Variants in EIF5A observed in about 807,000 individuals in gnomAD.
EIF5A encodes the protein eukaryotic translation initiation factor 5A-1.
A neutral mutation model predicts 16.6 loss-of-function variants in EIF5A; 1 was observed. That is an observed-to-expected ratio of 0.06 (90% CI 0.02 to 0.28). EIF5A has a LOEUF of 0.28. Ranked by LOEUF, EIF5A falls within the 10% of genes least tolerant of loss-of-function variation. The probability of loss-of-function intolerance (pLI) is 1.00; values close to 1 mark genes in which losing one functional copy is unlikely to be tolerated. For missense variants in EIF5A, 29 were observed against 196.1 expected (o/e 0.15, Z 5.09); for synonymous variants, 80 against 73.6 (o/e 1.09, Z -0.44).
chr17:7,308,452 C>T (rs1407154992), intron 1 of EIF5A: 11 of 1,336,560 alleles, frequency 8.2e-6, no homozygotes, highest in African/African-American at 1.5e-5. Context: ...GAGTGGAAGC[C>T]GGAGGCTCGG....
intron 2 of EIF5A, 123 bp from the exon 3 acceptor site, chr17:7,310,895 A>G (rs1473893842): frequency 2.1e-6 from 3 of 1,441,778 alleles, no homozygotes; most frequent in East Asian, 2.5e-5. Context: ...TTCAATTCCA[A>G]CACTCCAGTC....
intron 1 of EIF5A, chr17:7,308,499 G>A (rs749807340): frequency 7.4e-7 from 1 of 1,351,206 alleles, no homozygotes; most frequent in African/African-American, 1.5e-5. Context: ...GCAGGCATAT[G>A]TTAGCGCTTC....
At chr17:7,309,534 T>C (rs1463375693) in intron 1 of EIF5A, 81 bp from the exon 2 acceptor site, 10 of 1,562,312 alleles carry the variant, frequency 6.4e-6, no homozygotes, top group African/African-American at 1.4e-5. Flanking sequence ...GTTGGGAAAA[T>C]GTTTCTGGAG....
rs922753551 is a variant in EIF5A, at chr17:7,307,649, A to G, written c.-125A>G. On this transcript the variant is annotated 5_prime_UTR_variant, in exon 1 of 6. Coordinates refer to ENST00000336458, the MANE Select transcript of EIF5A (RefSeq NM_001970.5). ...CTGCGTACTAAGACCCGTGTGCAGCAGCGGCGGCGGCGGTAGAGGCGGCGG... is the reference window on the plus strand; with the variant it reads ...CTGCGTACTAAGACCCGTGTGCAGCGGCGGCGGCGGCGGTAGAGGCGGCGG... 6 of 1,050,612 alleles carry G rather than the reference A, an allele frequency of 5.7e-6. No individual in the cohort carries two copies. Among genetic ancestry groups the G allele is most frequent in the Non-Finnish European group, 6.9e-6 (6 of 872,970 alleles). The allele number at this position is 1,050,612 out of a possible 1,614,324, so 65.1% of individuals were successfully genotyped here.
At position 7,307,674 on chromosome 17, in the gene EIF5A, G is replaced by C; in HGVS notation, c.-100G>C. 9.5e-7 allele frequency: 1 copy of C among 1,053,366 alleles called. No homozygotes were observed. The highest frequency in any genetic ancestry group is 1.1e-6 in the Non-Finnish European group (1 of 874,316). 65.3% of individuals were successfully genotyped at this position (1,053,366 alleles called of 1,614,324 possible). ...AGCGGCGGCGGCGGTAGAGGCGGCG[G>C]CGGCGGCGGCAGCGGGCTCGGAGGC... On this transcript the variant is annotated 5_prime_UTR_variant, in exon 1 of 6. Transcript: ENST00000336458.
At chr17:7,310,918 A>T (rs1362189081) in intron 2 of EIF5A, 100 bp from the exon 3 acceptor site, 1 of 1,475,936 alleles carries the variant, frequency 6.8e-7, no homozygotes, top group Non-Finnish European at 9.0e-7. Context: ...TGCCCCAACA[A>T]TGTAATTCTG....
At chr17:7,310,243 T>G (rs2072777698) in intron 2 of EIF5A, 3 of 1,289,764 alleles carry the variant, frequency 2.3e-6, no homozygotes, top group East Asian at 5.5e-5. Flanking sequence ...TCAGGTCACC[T>G]TGCTGCTTCG....
At chr17:7,309,335 C>T (rs1235101660) in intron 1 of EIF5A, among the ~76,000 whole-genome samples, 2 of 152,186 alleles carry the variant, frequency 1.3e-5, no homozygotes, top group Non-Finnish European at 2.9e-5. Flanking sequence ...TTTCTCATCT[C>T]TGAGATTTGA....
At chr17:7,310,466 TAATC>T in intron 2 of EIF5A, 1 of 1,174,366 alleles carries the variant, frequency 8.5e-7, no homozygotes, top group Non-Finnish European at 1.1e-6. Context: ...TGTTTTTCCT[TAATC>T]AGTTTTTCCA....
chr17:7,307,396 G>A (rs981956678), upstream of EIF5A: 4 of 1,166,656 alleles, frequency 3.4e-6, no homozygotes, highest in Admixed American at 4.7e-5. Flanking sequence ...AGGTTGAAGA[G>A]ATTAAAAAAC....
At chr17:7,310,950 C>T in intron 2 of EIF5A, 68 bp from the exon 3 acceptor site, 1 of 1,533,930 alleles carries the variant, frequency 6.5e-7, no homozygotes, top group Non-Finnish European at 8.8e-7. Context: ...CAGGCAAGGT[C>T]AATTTGAGCC....
At chr17:7,310,958 G>T in intron 2 of EIF5A, 60 bp from the exon 3 acceptor site, 2 of 1,551,770 alleles carry the variant, frequency 1.3e-6, no homozygotes, top group Non-Finnish European at 1.7e-6. Flanking sequence ...GTCAATTTGA[G>T]CCTTTATTTC....
chr17:7,310,544 T>C, intron 2 of EIF5A: 1 of 1,098,350 alleles, frequency 9.1e-7, no homozygotes, highest in African/African-American at 1.7e-5. Flanking sequence ...TGTGCTCTTC[T>C]GGCTTCCTTA....
rs761306644 is a variant in EIF5A, at chr17:7,311,095, C to T, written c.243C>T (p.Val81=). 3 of 1,613,740 alleles carry T rather than the reference C, an allele frequency of 1.9e-6. No individual in the cohort carries two copies. In the South Asian group the frequency reaches 3.3e-5, roughly 18 times the overall value. The change falls in exon 3 of 6, where the codon GTC becomes GTT. Residue 81 remains valine (V), a synonymous_variant. Coordinates refer to ENST00000336458, the MANE Select transcript of EIF5A (RefSeq NM_001970.5). The part of the protein sequence containing the change: ...DICPSTHNMD[V]PNIKRNDFQL... ...GCCCGTCAACTCATAATATGGATGT[C>T]CCCAACATCAAAAGGAATGACTTCC...
At position 7,307,666 on chromosome 17, in the gene EIF5A, AGGC is replaced by A. The variant is rs375376801; in HGVS notation, c.-92_-90del. On this transcript the variant is annotated 5_prime_UTR_variant, in exon 1 of 6. Transcript: ENST00000336458. ...TGTGCAGCAGCGGCGGCGGCGGTAG[AGGC>A]GGCGGCGGCGGCGGCAGCGGGCTCG... 7.6e-4 allele frequency: 801 copies of A among 1,048,582 alleles called. No homozygotes were observed. In the East Asian group the frequency reaches 0.017, roughly 22 times the overall value. The allele number at this position is 1,048,582 out of a possible 1,614,324, so 65.0% of individuals were successfully genotyped here.
intron 1 of EIF5A, 37 bp from the exon 2 acceptor site, chr17:7,309,578 C>T (rs2072752987): frequency 6.2e-7 from 1 of 1,612,630 alleles, no homozygotes; most frequent in Non-Finnish European, 8.5e-7. Context: ...CTGTTGACCT[C>T]CATGCTTATT....
chr17:7,310,550 C>G, intron 2 of EIF5A: 1 of 1,089,550 alleles, frequency 9.2e-7, no homozygotes, highest in Non-Finnish European at 1.1e-6. Context: ...CTTCTGGCTT[C>G]CTTATTTTCT....
At chr17:7,308,432 A>C in intron 1 of EIF5A, 1 of 1,318,960 alleles carries the variant, frequency 7.6e-7, no homozygotes, top group Non-Finnish European at 9.9e-7. Flanking sequence ...AGGGGGCCTG[A>C]GATTTTGAGG....
Position 7,311,741 on chromosome 17 carries a change from T to TA in EIF5A, c.*12-81_*12-80insA. 3 of 1,528,798 alleles carry TA rather than the reference T, an allele frequency of 2.0e-6. No homozygotes were observed. The South Asian group carries it at 3.5e-5, about 18-fold the overall frequency. The allele number at this position is 1,528,798 out of a possible 1,614,324, so 94.7% of individuals were successfully genotyped here. Reference sequence around the variant, plus strand: ...TCTTAATTGTTTCAGGCTTACTTTCTGCCCCTAGCCTGGCTCTGTCCTCCC... The same window carrying TA: ...TCTTAATTGTTTCAGGCTTACTTTCTAGCCCCTAGCCTGGCTCTGTCCTCCC... On this transcript the variant is annotated intron_variant, in intron 5 of 5. Coordinates refer to ENST00000336458, the MANE Select transcript of EIF5A (RefSeq NM_001970.5).
Sources: allele counts gnomAD v4.1 joint callset (sites outside exome capture counted in the v4.1 genomes callset), GRCh38; gene constraint gnomAD v4.1.1; transcripts MANE v1.5; gene names NCBI Gene and HGNC (gene_info 2026-07-23, HGNC 2026-07-21).